The following KRT8 variants were observed in gnomAD, a reference collection of about 807,000 sequenced individuals.
KRT8 encodes keratin, type II cytoskeletal 8.
In KRT8, 24 loss-of-function variants were observed where a neutral mutation model predicts 43.0. That is an observed-to-expected ratio of 0.56 (90% CI 0.40 to 0.78). The LOEUF is 0.78. Ranked by LOEUF, KRT8 falls within the 30% of genes least tolerant of loss-of-function variation. KRT8 has a pLI of 0.00. For missense variants in KRT8, 492 were observed against 638.4 expected, an observed-to-expected ratio of 0.77 and a Z score of 2.47; for synonymous variants, 214 against 261.2, an observed-to-expected ratio of 0.82 and a Z score of 1.74.
Position 52,933,920 on chromosome 12 carries a change from C to A in KRT8, c.-47+15536G>T, listed in dbSNP as rs533338954. ...GATTTTAGGCGTGAGCCACCTCGCC[C>A]AGGCTCAAAACAATTTTTAAAAAGA... On this transcript the variant is annotated intron_variant, in intron 2 of 6. Transcript: ENST00000546826. 1.2e-3 allele frequency among the ~76,000 whole-genome samples: 189 copies of A among 151,978 alleles called. 1 individual carries two copies. The highest frequency in any genetic ancestry group is 3.8e-3 in the African/African-American group (159 of 41,500).
chr12:52,897,439 G>C (rs1356235824), exon 8 of KRT8: 2 of 1,599,364 alleles, frequency 1.3e-6, no homozygotes, highest in East Asian at 2.2e-5. Flanking sequence ...CACTTGGGCA[G>C]GACGTCAGAG....
chr12:52,897,714 G>C, intron 7 of KRT8, 96 bp from the exon 8 acceptor site: 1 of 1,541,228 alleles, frequency 6.5e-7, no homozygotes, highest in South Asian at 1.1e-5. Flanking sequence ...ATAGCCCCAG[G>C]GATGGGAGGT....
intron 5 of KRT8, 63 bp from the exon 6 acceptor site, chr12:52,898,962 C>CA: frequency 6.8e-7 from 1 of 1,460,158 alleles, no homozygotes; most frequent in African/African-American, 1.4e-5. Flanking sequence ...CCCGTGCTCC[C>CA]ACCCTCCCTC....
At chr12:52,899,843 T>G in exon 5 of KRT8, 1 of 1,612,084 alleles carries the variant, frequency 6.2e-7, no homozygotes, top group South Asian at 1.1e-5. Flanking sequence ...GAGATCTCAG[T>G]CTTTGTGCGC....
intron 2 of KRT8, among the ~76,000 whole-genome samples, chr12:52,930,109 T>C (rs1402830305): frequency 6.6e-6 from 1 of 152,200 alleles, no homozygotes; most frequent in Non-Finnish European, 1.5e-5. Flanking sequence ...GTAAAGCACA[T>C]AGAATGGTGC....
At chr12:52,905,943 T>G (rs1005060277), upstream of KRT8, among the ~76,000 whole-genome samples, 8 of 151,972 alleles carry the variant, frequency 5.3e-5, no homozygotes, top group African/African-American at 1.9e-4. Context: ...AATACAAAAA[T>G]TAGCTGGCCA....
intron 2 of KRT8, among the ~76,000 whole-genome samples, chr12:52,919,674 T>C (rs907693350): frequency 2.0e-5 from 3 of 151,990 alleles, no homozygotes; most frequent in Admixed American, 2.0e-4. Flanking sequence ...TGAGATGGAG[T>C]CTTGCTCTGT....
chr12:52,901,100 G>C, intron 3 of KRT8, 59 bp downstream of exon 3: 7 of 1,227,492 alleles, frequency 5.7e-6, no homozygotes, highest in Non-Finnish European at 8.5e-6. Context: ...AAGCTTCTTG[G>C]TCTGAGTCTC....
intron 2 of KRT8, chr12:52,926,332 G>GGCCCAC: frequency 1.7e-6 from 1 of 600,276 alleles, no homozygotes; most frequent in Non-Finnish European, 3.0e-6. Flanking sequence ...GGCACTAGCT[G>GGCCCAC]CCCTCCCCAC....
At chr12:52,929,882 T>C (rs1304683008) in intron 2 of KRT8, among the ~76,000 whole-genome samples, 1 of 152,084 alleles carries the variant, frequency 6.6e-6, no homozygotes, top group Non-Finnish European at 1.5e-5. Context: ...CAGACCCAAG[T>C]TTCTAATTGC....
At chr12:52,936,770 C>T (rs1196348478) in intron 2 of KRT8, among the ~76,000 whole-genome samples, 5 of 152,144 alleles carry the variant, frequency 3.3e-5, no homozygotes, top group Non-Finnish European at 4.4e-5. Context: ...CCGTCTTGGC[C>T]TCCCAAAGTG....
At chr12:52,939,410 A>C (rs1471636936) in intron 2 of KRT8, among the ~76,000 whole-genome samples, 1 of 152,132 alleles carries the variant, frequency 6.6e-6, no homozygotes, top group Non-Finnish European at 1.5e-5. Flanking sequence ...AGGCTGAGAC[A>C]GGAGAATCAC....
intron 1 of KRT8, among the ~76,000 whole-genome samples, chr12:52,902,986 T>C (rs1941412490): frequency 6.6e-6 from 1 of 152,098 alleles, no homozygotes; most frequent in Non-Finnish European, 1.5e-5. Flanking sequence ...CACTCCAGCC[T>C]GGGCGACAGA....
chr12:52,897,588 G>C (rs764272960), exon 8 of KRT8: 1 of 1,598,086 alleles, frequency 6.3e-7, no homozygotes, highest in Non-Finnish European at 8.5e-7. Context: ...GCCGGGGCTT[G>C]TGAGGCCCCC....
intron 2 of KRT8, among the ~76,000 whole-genome samples, chr12:52,915,350 G>A (rs137970788): frequency 2.3e-4 from 35 of 151,014 alleles, no homozygotes; most frequent in African/African-American, 7.8e-4. Flanking sequence ...CTCCAGCTTG[G>A]GCAACAGAGC....
chr12:52,918,099 GGAA>G (rs200659475), intron 2 of KRT8, among the ~76,000 whole-genome samples: 1,916 of 119,056 alleles, frequency 0.016, 155 homozygotes, highest in African/African-American at 0.034. Context: ...AAGAAGAAGA[GGAA>G]GAAGAAGAAG....
At position 52,930,262 on chromosome 12, in the gene KRT8, G is replaced by T. The variant is rs186328628; in HGVS notation, c.-47+19194C>A. The stretch of plus-strand genomic sequence containing the variant: ...GACAGAGCTTCGTTCTTGTTGCCCA[G>T]GCTGGAGTGCAATAGCACAATCTAG... On this transcript the variant is annotated intron_variant, in intron 2 of 6. Transcript: ENST00000546826. Among the ~76,000 whole-genome samples, 260 of 151,870 alleles carry T rather than the reference G, an allele frequency of 1.7e-3. 2 individuals carry two copies. Among genetic ancestry groups the T allele is most frequent in the African/African-American group, 5.7e-3 (236 of 41,428 alleles).
At chr12:52,912,870 C>T (rs1941662969) in intron 2 of KRT8, among the ~76,000 whole-genome samples, 1 of 152,254 alleles carries the variant, frequency 6.6e-6, no homozygotes, top group Non-Finnish European at 1.5e-5. Context: ...ATATGTCTCA[C>T]AGTCATAGCC....
chr12:52,910,661 G>A (rs897837095), upstream of KRT8, among the ~76,000 whole-genome samples: 15 of 152,328 alleles, frequency 9.8e-5, 1 homozygote, highest in East Asian at 2.7e-3. Flanking sequence ...CTGACATTGC[G>A]ATAGGGGAAG....
Sources: allele counts gnomAD v4.1 joint callset (sites outside exome capture counted in the v4.1 genomes callset), GRCh38; gene constraint gnomAD v4.1.1; transcripts MANE v1.5; gene names NCBI Gene and HGNC (gene_info 2026-07-23, HGNC 2026-07-21).